Variants in ROBO2 observed in about 807,000 individuals in gnomAD.
The protein encoded by ROBO2 is roundabout homolog 2.
A neutral mutation model predicts 160.8 loss-of-function variants in ROBO2; 53 were observed. The observed-to-expected ratio is 0.33, with a 90% CI of 0.26 to 0.41. ROBO2 has a LOEUF of 0.41. Among genes scored for constraint, ROBO2 ranks in the 10% least tolerant of loss-of-function variants. The pLI is 1.00. For synonymous variants in ROBO2, 664 were observed against 611.7 expected (o/e 1.09, Z -1.26); for missense variants, 1,577 against 1,722.4 (o/e 0.92, Z 1.49).
intron 2 of ROBO2, among the ~76,000 whole-genome samples, chr3:76,098,734 G>A (rs994376672): frequency 3.3e-5 from 5 of 152,082 alleles, no homozygotes; most frequent in Non-Finnish European, 5.9e-5. Context: ...GGTGTAAGAG[G>A]TAATAACTAC....
chr3:76,494,718 G>A (rs996680211), intron 2 of ROBO2, among the ~76,000 whole-genome samples: 2 of 152,148 alleles, frequency 1.3e-5, no homozygotes, highest in African/African-American at 4.8e-5. Flanking sequence ...AAGTTGGGGT[G>A]GCGTATTCTG....
At chr3:76,777,013 A>AC (rs1247103108) in intron 2 of ROBO2, among the ~76,000 whole-genome samples, 3 of 151,184 alleles carry the variant, frequency 2.0e-5, no homozygotes, top group Non-Finnish European at 3.0e-5. Context: ...GTAGAGATCC[A>AC]CACTAGCATT....
intron 2 of ROBO2, among the ~76,000 whole-genome samples, chr3:76,562,505 A>C (rs1182554600): frequency 6.6e-6 from 1 of 151,808 alleles, no homozygotes. Context: ...TTATCAAGAT[A>C]AGCATAGTAT....
intron 3 of ROBO2, among the ~76,000 whole-genome samples, chr3:77,480,686 G>A (rs2084583773): frequency 6.6e-6 from 1 of 151,988 alleles, no homozygotes; most frequent in Non-Finnish European, 1.5e-5. Flanking sequence ...AGTAAGTATG[G>A]ATATATATAC....
intron 2 of ROBO2, among the ~76,000 whole-genome samples, chr3:77,102,502 T>C (rs2072102823): frequency 6.6e-6 from 1 of 152,214 alleles, no homozygotes; most frequent in African/African-American, 2.4e-5. Flanking sequence ...AATGTATTGA[T>C]ATGTAGGACA....
chr3:76,863,603 T>G (rs564756975), intron 2 of ROBO2, among the ~76,000 whole-genome samples: 1 of 152,180 alleles, frequency 6.6e-6, no homozygotes, highest in Non-Finnish European at 1.5e-5. Flanking sequence ...AAAATTTGAT[T>G]TATCTGTCTT....
intron 6 of ROBO2, among the ~76,000 whole-genome samples, chr3:77,533,016 G>T (rs1158685500): frequency 4.6e-5 from 7 of 152,078 alleles, no homozygotes; most frequent in Non-Finnish European, 8.8e-5. Context: ...GTTTTGCATA[G>T]ATTTTGTTTT....
intron 2 of ROBO2, among the ~76,000 whole-genome samples, chr3:76,212,548 G>C (rs1703211512): frequency 6.6e-6 from 1 of 151,824 alleles, no homozygotes; most frequent in African/African-American, 2.4e-5. Flanking sequence ...TGGAATATTT[G>C]TTAGTTTGTT....
At chr3:76,089,336 G>C (rs1238855772) in intron 2 of ROBO2, among the ~76,000 whole-genome samples, 2 of 151,954 alleles carry the variant, frequency 1.3e-5, no homozygotes, top group Non-Finnish European at 2.9e-5. Context: ...CTCATTGTTT[G>C]AGGCCAGCTT....
At chr3:76,355,177 A>G (rs2075091011) in intron 2 of ROBO2, among the ~76,000 whole-genome samples, 1 of 151,762 alleles carries the variant, frequency 6.6e-6, no homozygotes. Context: ...TTTAATCAGT[A>G]TTAAAATGAT....
At chr3:76,775,618 GTTTA>G (rs1560540260) in intron 2 of ROBO2, among the ~76,000 whole-genome samples, 1 of 150,626 alleles carries the variant, frequency 6.6e-6, no homozygotes. Context: ...AATGTCATAG[GTTTA>G]TTTCTTTAGA....
intron 2 of ROBO2, among the ~76,000 whole-genome samples, chr3:75,973,350 T>C (rs1029331032): frequency 1.3e-5 from 2 of 151,674 alleles, no homozygotes; most frequent in Admixed American, 6.6e-5. Flanking sequence ...GTACAAACTT[T>C]CCAGGCTCAG....
chr3:76,697,035 A>C (rs1047795173), intron 2 of ROBO2, among the ~76,000 whole-genome samples: 1 of 152,214 alleles, frequency 6.6e-6, no homozygotes, highest in Non-Finnish European at 1.5e-5. Flanking sequence ...CTGGAATATC[A>C]TGAAGTCTAT....
At chr3:76,138,481 A>G (rs924501133) in intron 2 of ROBO2, among the ~76,000 whole-genome samples, 2 of 152,082 alleles carry the variant, frequency 1.3e-5, no homozygotes, top group African/African-American at 4.8e-5. Flanking sequence ...GCGTTGTACT[A>G]TAAAAGGGAA....
intron 2 of ROBO2, among the ~76,000 whole-genome samples, chr3:76,494,680 C>T (rs778993697): frequency 1.5e-4 from 23 of 152,170 alleles, no homozygotes; most frequent in Admixed American, 3.9e-4. Flanking sequence ...GACTTTAGCA[C>T]AAAATAATCT....
chr3:77,256,792 A>G (rs2058446646), intron 2 of ROBO2, among the ~76,000 whole-genome samples: 1 of 152,214 alleles, frequency 6.6e-6, no homozygotes, highest in African/African-American at 2.4e-5. Flanking sequence ...TGAGTAAGCC[A>G]GCCGTCTTTC....
At chr3:76,347,694 C>G (rs1364042798) in intron 2 of ROBO2, among the ~76,000 whole-genome samples, 1 of 151,578 alleles carries the variant, frequency 6.6e-6, no homozygotes, top group Non-Finnish European at 1.5e-5. Context: ...TCATATTTCA[C>G]TCTCCCCTGA....
At chr3:76,472,291 TTTG>T (rs2078707881) in intron 2 of ROBO2, among the ~76,000 whole-genome samples, 2 of 152,162 alleles carry the variant, frequency 1.3e-5, no homozygotes, top group Admixed American at 6.6e-5. Flanking sequence ...CTCAAATATT[TTTG>T]TTGTTTTTAA....
intron 2 of ROBO2, among the ~76,000 whole-genome samples, chr3:77,403,475 G>T (rs1483237964): frequency 6.6e-6 from 1 of 151,992 alleles, no homozygotes; most frequent in Non-Finnish European, 1.5e-5. Context: ...GTCTTTCTGA[G>T]TCTGGCTTCT....
Sources: allele counts gnomAD v4.1 joint callset (sites outside exome capture counted in the v4.1 genomes callset), GRCh38; gene constraint gnomAD v4.1.1; transcripts MANE v1.5; gene names NCBI Gene and HGNC (gene_info 2026-07-23, HGNC 2026-07-21).